PRKN: variants seen among roughly 807,000 people sequenced by gnomAD.
PRKN encodes the protein E3 ubiquitin-protein ligase parkin.
PRKN carries 56 observed loss-of-function variants against 59.5 expected under a neutral mutation model. That is an observed-to-expected ratio of 0.94 (90% CI 0.76 to 1.18). The LOEUF is 1.18. Among genes scored for constraint, PRKN ranks in the 50% most tolerant of loss-of-function variants. The pLI is 0.00. For missense variants in PRKN, 657 were observed against 596.4 expected (o/e 1.10, Z -1.06); for synonymous variants, 250 against 222.1 (o/e 1.13, Z -1.12).
rs375966839 is a variant in PRKN, at chr6:162,629,101, C to T, written c.7+98561G>A. Among the ~76,000 whole-genome samples the T allele has an allele frequency of 4.6e-5, 7 of 152,116 alleles. No homozygotes were observed. In the East Asian group the frequency reaches 1.4e-3, roughly 29 times the overall value. On this transcript the variant is annotated intron_variant, in intron 1 of 11. Transcript: ENST00000366898. ...GACATTTCAGGGGTTCCCTACTGCC[C>T]CAATTCATATACAAGAAAATGCTTT...
At chr6:162,276,055 A>G (rs1337300100) in intron 2 of PRKN, among the ~76,000 whole-genome samples, 1 of 152,188 alleles carries the variant, frequency 6.6e-6, no homozygotes, top group East Asian at 1.9e-4. Context: ...GTGGATGGTT[A>G]GAGATACTCA....
chr6:161,872,227 T>TG (rs35541662), intron 6 of PRKN, among the ~76,000 whole-genome samples: 26,255 of 151,802 alleles, frequency 0.17, 2,456 homozygotes, highest in African/African-American at 0.2. Context: ...AGCAGCTGAG[T>TG]GGGGGTCCTA....
intron 1 of PRKN, among the ~76,000 whole-genome samples, chr6:162,604,697 CTT>C (rs35730217): frequency 3.1e-4 from 42 of 135,158 alleles, no homozygotes; most frequent in Non-Finnish European, 2.7e-4. Context: ...TTTCTCTCTC[CTT>C]TTTTTTTTTT....
At chr6:162,113,915 T>A (rs1444298891) in intron 4 of PRKN, among the ~76,000 whole-genome samples, 1 of 152,084 alleles carries the variant, frequency 6.6e-6, no homozygotes, top group Non-Finnish European at 1.5e-5. Context: ...AGGGATCCAG[T>A]TTCAGCTTTC....
chr6:161,693,591 A>G (rs1046042048), intron 7 of PRKN, among the ~76,000 whole-genome samples: 3 of 152,214 alleles, frequency 2.0e-5, no homozygotes, highest in Admixed American at 6.5e-5. Context: ...AAAGTATTAG[A>G]AACCCTCTCA....
At chr6:162,051,504 C>T (rs751810745) in intron 5 of PRKN, among the ~76,000 whole-genome samples, 5 of 152,164 alleles carry the variant, frequency 3.3e-5, no homozygotes, top group East Asian at 3.9e-4. Flanking sequence ...TCCGCATCCT[C>T]GTTCAGGAAC....
chr6:162,080,323 T>C (rs1163479002), intron 4 of PRKN, among the ~76,000 whole-genome samples: 1 of 152,120 alleles, frequency 6.6e-6, no homozygotes, highest in Non-Finnish European at 1.5e-5. Context: ...CTCGATATCC[T>C]GTAAGATTTT....
intron 3 of PRKN, among the ~76,000 whole-genome samples, chr6:162,214,532 AGTG>A (rs1244894019): frequency 2.0e-5 from 3 of 152,206 alleles, no homozygotes; most frequent in Non-Finnish European, 2.9e-5. Context: ...AGTTCTGTCC[AGTG>A]GTTATCCAAA....
At chr6:162,505,572 TC>T (rs1232091597) in intron 1 of PRKN, among the ~76,000 whole-genome samples, 5 of 152,226 alleles carry the variant, frequency 3.3e-5, no homozygotes, top group African/African-American at 1.2e-4. Flanking sequence ...TTTACCTGTG[TC>T]CACATGGATA....
intron 1 of PRKN, among the ~76,000 whole-genome samples, chr6:162,454,896 C>G (rs1446043292): frequency 6.6e-6 from 1 of 152,190 alleles, no homozygotes; most frequent in East Asian, 1.9e-4. Flanking sequence ...CGTTAACTCA[C>G]AGTAGAGCTT....
chr6:161,624,999 T>C (rs1346881616), intron 7 of PRKN, among the ~76,000 whole-genome samples: 3 of 152,224 alleles, frequency 2.0e-5, no homozygotes, highest in Non-Finnish European at 4.4e-5. Context: ...TGGTCTTTCT[T>C]AGAATACATT....
chr6:162,431,260 T>C (rs201515124), intron 2 of PRKN, among the ~76,000 whole-genome samples: 3 of 120,130 alleles, frequency 2.5e-5, no homozygotes, highest in African/African-American at 4.0e-5. Flanking sequence ...TGGATAGTAA[T>C]TGAGAATGCG....
intron 5 of PRKN, among the ~76,000 whole-genome samples, chr6:161,999,529 G>A (rs1781970425): frequency 6.6e-6 from 1 of 152,112 alleles, no homozygotes; most frequent in Non-Finnish European, 1.5e-5. Context: ...TTTATGCAAT[G>A]GCATTCATTT....
chr6:162,400,457 CA>C (rs3081908), intron 2 of PRKN, among the ~76,000 whole-genome samples: 19,164 of 97,380 alleles, frequency 0.2, 1,284 homozygotes, highest in Middle Eastern at 0.23. Flanking sequence ...ATGTAAATAT[CA>C]AAAAAAAAAA....
In PRKN at chr6:161,988,372, C is replaced by G. The variant is rs190338673; in HGVS notation, c.619-14955G>C. On this transcript the variant is annotated intron_variant, in intron 5 of 11. Transcript: ENST00000366898. The stretch of plus-strand genomic sequence containing the variant: ...GTGTAGTGGGGCGCGCATGTAATCA[C>G]AGCCACTAAGGAGGCTGAGGCAGGA... Among the ~76,000 whole-genome samples the G allele has an allele frequency of 4.1e-3, 625 of 152,178 alleles. 3 individuals are homozygous for G. Among genetic ancestry groups the G allele is most frequent in the African/African-American group, 0.014 (591 of 41,532 alleles).
intron 2 of PRKN, among the ~76,000 whole-genome samples, 170 bp downstream of exon 2, chr6:162,443,140 G>A (rs1280082693): frequency 5.3e-5 from 8 of 152,186 alleles, no homozygotes; most frequent in Non-Finnish European, 1.0e-4. Context: ...CTGTTTTAAT[G>A]CATAATTAAG....
chr6:162,647,949 C>CAAAAAAAAAAAA lies in PRKN; in HGVS notation c.7+79701_7+79712dup, dbSNP rs398003250. On this transcript the variant is annotated intron_variant, in intron 1 of 11. Transcript: ENST00000366898. ...GAACCATCTCTATATGTCCACAGTG[C>CAAAAAAAAAAAA]AAAAAAAAAAAAAAAAAAAAAAAAA... Among the ~76,000 whole-genome samples the CAAAAAAAAAAAA allele has an allele frequency of 4.5e-3, 337 of 75,614 alleles. 87 individuals carry two copies. Among genetic ancestry groups the CAAAAAAAAAAAA allele is most frequent in the Middle Eastern group, 0.014 (1 of 70 alleles). The allele number at this position is 75,614 out of a possible 152,430, so 49.6% of individuals were successfully genotyped here. A position where few individuals can be genotyped will look rare whatever the true frequency, so the allele number is the denominator to read the frequency against.
intron 7 of PRKN, among the ~76,000 whole-genome samples, chr6:161,751,887 A>C (rs891836743): frequency 6.6e-6 from 1 of 152,194 alleles, no homozygotes; most frequent in Non-Finnish European, 1.5e-5. Context: ...CAGGTGAAGG[A>C]GAAGGGGCAG....
At chr6:162,404,082 TC>T (rs1787939891) in intron 2 of PRKN, among the ~76,000 whole-genome samples, 1 of 152,086 alleles carries the variant, frequency 6.6e-6, no homozygotes, top group Non-Finnish European at 1.5e-5. Context: ...TTAGAAATAA[TC>T]CTTTTTGGCC....
Sources: gnomAD v4.1 joint callset for allele counts (sites outside exome capture counted in the v4.1 genomes callset) on GRCh38, gnomAD v4.1.1 for gene constraint, MANE v1.5 for transcripts, NCBI Gene and HGNC (gene_info 2026-07-23, HGNC 2026-07-21) for gene names.